The following CSMD3 variants were observed in gnomAD, a reference collection of about 807,000 sequenced individuals.
CSMD3 encodes the protein CUB and sushi domain-containing protein 3.
A neutral mutation model predicts 435.2 loss-of-function variants in CSMD3; 177 were observed. That is an observed-to-expected ratio of 0.41 (90% CI 0.36 to 0.46). The LOEUF (loss-of-function observed/expected upper bound fraction) is 0.46, where lower values mean the gene tolerates loss of function less well. Among genes scored for constraint, CSMD3 ranks in the 20% least tolerant of loss-of-function variants. The pLI is 0.34. For missense variants in CSMD3, 4,265 were observed against 4,504.6 expected, an observed-to-expected ratio of 0.95 and a Z score of 1.52; for synonymous variants, 1,656 against 1,520.5, an observed-to-expected ratio of 1.09 and a Z score of -2.07.
Position 113,224,761 on chromosome 8 carries a change from CT to C in CSMD3, c.515-50846del, listed in dbSNP as rs1310139725. 1.1e-4 allele frequency among the ~76,000 whole-genome samples: 17 copies of C among 150,910 alleles called. No homozygotes were observed. In the Admixed American group the frequency reaches 1.1e-3, roughly 10 times the overall value. ...CACAGAGGAGAGGCAATAGATGTGT[CT>C]TGTACAATGATTAAATTCTGGCTCT... On this transcript the variant is annotated intron_variant, in intron 3 of 70. Coordinates refer to ENST00000297405, the MANE Select transcript of CSMD3 (RefSeq NM_198123.2).
chr8:112,784,608 A>G (rs1277218119), intron 13 of CSMD3, among the ~76,000 whole-genome samples: 2 of 152,032 alleles, frequency 1.3e-5, no homozygotes, highest in East Asian at 1.9e-4. Flanking sequence ...ACAGAAATTC[A>G]AAGGATCATT....
chr8:113,376,685 G>C, intron 1 of CSMD3: 1 of 1,607,748 alleles, frequency 6.2e-7, no homozygotes, highest in Admixed American at 1.7e-5. Flanking sequence ...GTTGACACCC[G>C]CCACAAGGAC....
At chr8:112,243,878 A>T (rs1473519154) in intron 65 of CSMD3, among the ~76,000 whole-genome samples, 1 of 152,110 alleles carries the variant, frequency 6.6e-6, no homozygotes, top group Non-Finnish European at 1.5e-5. Context: ...CCACACAAAG[A>T]TACACAGAAA....
chr8:113,247,205 C>A (rs1422510005), intron 3 of CSMD3, among the ~76,000 whole-genome samples: 2 of 152,172 alleles, frequency 1.3e-5, no homozygotes, highest in Non-Finnish European at 2.9e-5. Flanking sequence ...AAACAACTAA[C>A]ACTTATTTAT....
chr8:112,263,121 T>C (rs554536329), intron 61 of CSMD3, among the ~76,000 whole-genome samples: 2 of 140,662 alleles, frequency 1.4e-5, no homozygotes, highest in Admixed American at 7.4e-5. Context: ...AGGTATATAG[T>C]ATACAGCAAC....
chr8:112,550,553 A>C, intron 27 of CSMD3, 118 bp downstream of exon 27: 1 of 627,998 alleles, frequency 1.6e-6, no homozygotes, highest in Non-Finnish European at 2.8e-6. Flanking sequence ...GAAGACTAGA[A>C]ACACGAATAT....
chr8:112,571,058 A>C (rs1035385092), intron 24 of CSMD3, among the ~76,000 whole-genome samples: 4 of 152,032 alleles, frequency 2.6e-5, no homozygotes, highest in Non-Finnish European at 4.4e-5. Context: ...CCTAGGCTGG[A>C]GTGCAATGGC....
chr8:112,552,831 A>T, intron 25 of CSMD3, 111 bp from the exon 26 acceptor site: 3 of 943,672 alleles, frequency 3.2e-6, no homozygotes, highest in Non-Finnish European at 3.3e-6. Context: ...TGTTTCTTTA[A>T]AGTATACATT....
chr8:112,906,520 T>C lies in CSMD3; in HGVS notation c.1633+15107A>G, dbSNP rs1415062205. ...GGAGACAACTGCCCTTTGTATTTCT[T>C]ACCTATTTTTTTCTAGCCACTGTCA... On this transcript the variant is annotated intron_variant, in intron 10 of 70. Coordinates refer to ENST00000297405, the MANE Select transcript of CSMD3 (RefSeq NM_198123.2). 2.0e-5 allele frequency among the ~76,000 whole-genome samples: 3 copies of C among 151,526 alleles called. No homozygotes were observed. The Admixed American group carries it at 2.0e-4, about 10-fold the overall frequency.
intron 37 of CSMD3, among the ~76,000 whole-genome samples, chr8:112,381,068 T>C (rs1295285451): frequency 6.6e-6 from 1 of 152,166 alleles, no homozygotes; most frequent in Non-Finnish European, 1.5e-5. Flanking sequence ...ATAATAAGCT[T>C]AATTTTGAAC....
intron 53 of CSMD3, among the ~76,000 whole-genome samples, chr8:112,300,950 G>T (rs1820866039): frequency 6.6e-6 from 1 of 151,964 alleles, no homozygotes. Context: ...TACAAATTTT[G>T]CCGTACTCTA....
intron 40 of CSMD3, 68 bp downstream of exon 40, chr8:112,351,107 A>G: frequency 1.0e-6 from 1 of 985,376 alleles, no homozygotes; most frequent in Non-Finnish European, 1.6e-6. Context: ...GAAGCTTACA[A>G]ATACTTTATA....
chr8:112,639,528 A>T (rs1202228064), intron 20 of CSMD3, among the ~76,000 whole-genome samples: 1 of 152,168 alleles, frequency 6.6e-6, no homozygotes, highest in East Asian at 1.9e-4. Context: ...ATCCAAATCA[A>T]TAGCCACAAT....
chr8:113,369,079 A>G (rs2094331422), intron 1 of CSMD3, among the ~76,000 whole-genome samples: 1 of 152,000 alleles, frequency 6.6e-6, no homozygotes, highest in Non-Finnish European at 1.5e-5. Flanking sequence ...AAAGGAGAAT[A>G]CTACTCATTT....
At chr8:112,290,909 T>C (rs1275541547) in intron 56 of CSMD3, among the ~76,000 whole-genome samples, 1 of 152,046 alleles carries the variant, frequency 6.6e-6, no homozygotes, top group Non-Finnish European at 1.5e-5. Flanking sequence ...AAATTATTTT[T>C]CTCACTACGT....
chr8:112,352,374 A>G, intron 39 of CSMD3, 42 bp downstream of exon 39: 1 of 1,610,546 alleles, frequency 6.2e-7, no homozygotes, highest in Non-Finnish European at 8.5e-7. Context: ...ATATTCTGAA[A>G]GGGCCATGAA....
intron 1 of CSMD3, among the ~76,000 whole-genome samples, chr8:113,371,425 G>A (rs945088618): frequency 2.6e-5 from 4 of 152,028 alleles, no homozygotes; most frequent in African/African-American, 7.2e-5. Flanking sequence ...CATATGGCAG[G>A]TTCTAAGTTG....
At chr8:112,734,236 AGAG>A (rs2077136725) in intron 13 of CSMD3, among the ~76,000 whole-genome samples, 1 of 151,670 alleles carries the variant, frequency 6.6e-6, no homozygotes, top group Non-Finnish European at 1.5e-5. Context: ...AAGAGAAAGA[AGAG>A]GAGGAAGGAA....
At chr8:112,927,368 C>T (rs942103890) in intron 9 of CSMD3, among the ~76,000 whole-genome samples, 2 of 152,162 alleles carry the variant, frequency 1.3e-5, no homozygotes, top group Non-Finnish European at 2.9e-5. Flanking sequence ...TTATTTCCTT[C>T]TTGTAAAATT....
Sources: allele counts gnomAD v4.1 joint callset (sites outside exome capture counted in the v4.1 genomes callset), GRCh38; gene constraint gnomAD v4.1.1; transcripts MANE v1.5; gene names NCBI Gene and HGNC (gene_info 2026-07-23, HGNC 2026-07-21).